SAFB: variants seen among roughly 807,000 people sequenced by gnomAD.
SAFB encodes scaffold attachment factor B1.
A neutral mutation model predicts 101.6 loss-of-function variants in SAFB; 15 were observed. The observed-to-expected ratio is 0.15, with a 90% CI of 0.10 to 0.23. The LOEUF is 0.23. SAFB is among the 10% of genes least tolerant of loss of function. The pLI, the probability that SAFB is intolerant of heterozygous loss-of-function variation, is 1.00. For synonymous variants in SAFB, 449 were observed against 407.5 expected, an observed-to-expected ratio of 1.10 and a Z score of -1.23; for missense variants, 930 against 1,104.1, an observed-to-expected ratio of 0.84 and a Z score of 2.23.
intron 1 of SAFB, 28 bp downstream of exon 1, chr19:5,623,422 C>T (rs910031158): frequency 1.9e-6 from 3 of 1,603,028 alleles, no homozygotes; most frequent in African/African-American, 1.3e-5. Flanking sequence ...AGGGCGGGCA[C>T]AGGGTGGGTC....
chr19:5,663,976 T>G, intron 15 of SAFB, 46 bp from the exon 16 acceptor site: 2 of 1,594,682 alleles, frequency 1.3e-6, no homozygotes, highest in Non-Finnish European at 1.7e-6. Flanking sequence ...GATAGATACA[T>G]TTGGGGTGGG....
At chr19:5,655,286 C>T (rs1279523270) in intron 13 of SAFB, among the ~76,000 whole-genome samples, 2 of 151,856 alleles carry the variant, frequency 1.3e-5, no homozygotes, top group Non-Finnish European at 2.9e-5. Flanking sequence ...AGTAAGACCC[C>T]ATCTTCACAA....
intron 1 of SAFB, among the ~76,000 whole-genome samples, chr19:5,625,479 C>T (rs1046935332): frequency 1.3e-5 from 2 of 152,160 alleles, no homozygotes; most frequent in Non-Finnish European, 2.9e-5. Context: ...GACTTACCCA[C>T]CTGGGAAACT....
chr19:5,666,950 C>T, intron 17 of SAFB, 96 bp from the exon 18 acceptor site: 1 of 814,252 alleles, frequency 1.2e-6, no homozygotes, highest in African/African-American at 1.7e-5. Flanking sequence ...TCCCGAGTGA[C>T]TGTCGTTGTC....
At chr19:5,632,848 C>T (rs1001313015) in intron 2 of SAFB, among the ~76,000 whole-genome samples, 2 of 152,172 alleles carry the variant, frequency 1.3e-5, no homozygotes, top group African/African-American at 2.4e-5. Flanking sequence ...AGCGATCCTC[C>T]CACCTTGGCC....
At chr19:5,649,819 A>G (rs1348892362) in intron 7 of SAFB, 107 bp from the exon 8 acceptor site, 1 of 1,015,348 alleles carries the variant, frequency 9.8e-7, no homozygotes, top group Admixed American at 2.0e-5. Context: ...TCATTTTTTC[A>G]GAACTAAATT....
At chr19:5,657,722 A>T (rs1264568794) in intron 14 of SAFB, among the ~76,000 whole-genome samples, 2 of 151,198 alleles carry the variant, frequency 1.3e-5, no homozygotes, top group Non-Finnish European at 3.0e-5. Flanking sequence ...ACGGGGTTTC[A>T]CCATGTTGGC....
chr19:5,653,324 A>C lies in SAFB; in HGVS notation c.1444-14A>C. 6.2e-7 allele frequency: 1 copy of C among 1,614,100 alleles called. No individual in the cohort carries two copies. The highest frequency in any genetic ancestry group is 8.5e-7 in the Non-Finnish European group (1 of 1,179,978). Reference sequence around the variant, plus strand: ...CATTAGGAAATGGGGGTAATACTTGATTCTCTTTTTCAGGCCAAAAATGAA... The same window carrying C: ...CATTAGGAAATGGGGGTAATACTTGCTTCTCTTTTTCAGGCCAAAAATGAA... On this transcript the variant is annotated splice_polypyrimidine_tract_variant and intron_variant, in intron 10 of 20. Coordinates refer to ENST00000588852, the MANE Select transcript of SAFB (RefSeq NM_001201338.2).
intron 8 of SAFB, among the ~76,000 whole-genome samples, chr19:5,650,491 A>G (rs2053914459): frequency 6.6e-6 from 1 of 152,108 alleles, no homozygotes; most frequent in Non-Finnish European, 1.5e-5. Flanking sequence ...AGCTCACTGC[A>G]ACCTCTGACT....
chr19:5,662,086 T>C (rs545712110), intron 15 of SAFB, among the ~76,000 whole-genome samples: 154 of 152,158 alleles, frequency 1.0e-3, no homozygotes, highest in Middle Eastern at 3.4e-3. Context: ...GGGGTTTCAC[T>C]GTGTTAGCCA....
At chr19:5,640,430 A>G (rs1399931582) in intron 2 of SAFB, among the ~76,000 whole-genome samples, 1 of 114,450 alleles carries the variant, frequency 8.7e-6, no homozygotes, top group Non-Finnish European at 1.6e-5. Flanking sequence ...CAGTGGTGTG[A>G]TCTCGGCTAA....
At chr19:5,642,156 G>T in intron 4 of SAFB, 1 of 632,506 alleles carries the variant, frequency 1.6e-6, no homozygotes, top group Non-Finnish European at 2.9e-6. Flanking sequence ...ATCCATTTGC[G>T]GCATACAGTA....
Position 5,667,652 on chromosome 19 carries a change from C to G in SAFB, c.2558-168C>G. ...AGTGGGCGTTCCCGAGTTCTCTCTG[C>G]TGGGAGGAAGCTGGACGTCTATGGT... On this transcript the variant is annotated intron_variant, in intron 19 of 20. Coordinates refer to ENST00000588852, the MANE Select transcript of SAFB (RefSeq NM_001201338.2). The surrounding 1 kb of genome is among the most constrained non-coding windows in gnomAD (Gnocchi z 4.0). 1 of 727,474 alleles carries G rather than the reference C, an allele frequency of 1.4e-6. No individual in the cohort carries two copies. The highest frequency in any genetic ancestry group is 2.3e-6 in the Non-Finnish European group (1 of 428,828). The allele number at this position is 727,474 out of a possible 1,614,324, so 45.1% of individuals were successfully genotyped here.
intron 17 of SAFB, 178 bp from the exon 18 acceptor site, chr19:5,666,868 A>C: frequency 1.4e-6 from 1 of 702,872 alleles, no homozygotes; most frequent in Admixed American, 2.0e-5. Context: ...CCTAGGGCAC[A>C]GGGCCTCTGG....
intron 2 of SAFB, among the ~76,000 whole-genome samples, chr19:5,635,348 T>G (rs1439859394): frequency 6.6e-6 from 1 of 152,088 alleles, no homozygotes; most frequent in African/African-American, 2.4e-5. Context: ...CTGTAACTTG[T>G]GTCATTGCTC....
intron 13 of SAFB, 61 bp downstream of exon 13, chr19:5,654,517 G>A: frequency 1.0e-6 from 1 of 977,430 alleles, no homozygotes; most frequent in Admixed American, 1.8e-5. Context: ...ATTTCTGTGT[G>A]CGTCTTAGGG....
At chr19:5,653,849 C>T (rs1312521697) in intron 11 of SAFB, among the ~76,000 whole-genome samples, 1 of 152,070 alleles carries the variant, frequency 6.6e-6, no homozygotes, top group Admixed American at 6.6e-5. Context: ...CCTCCACCTC[C>T]CTGGCTCAAC....
intron 9 of SAFB, among the ~76,000 whole-genome samples, chr19:5,651,314 C>T (rs1165321006): frequency 6.6e-6 from 1 of 152,188 alleles, no homozygotes; most frequent in African/African-American, 2.4e-5. Context: ...CCTGTGATGG[C>T]TCGTGGATCC....
chr19:5,655,634 C>G (rs2054042227), intron 13 of SAFB, among the ~76,000 whole-genome samples: 2 of 152,074 alleles, frequency 1.3e-5, no homozygotes, highest in Non-Finnish European at 1.5e-5. Context: ...GACCTTGGAC[C>G]CGCCTGGTCA....
Sources: allele counts gnomAD v4.1 joint callset (sites outside exome capture counted in the v4.1 genomes callset), GRCh38; gene constraint gnomAD v4.1.1; non-coding constraint Gnocchi (gnomAD v3.1); transcripts MANE v1.5; gene names NCBI Gene and HGNC (gene_info 2026-07-23, HGNC 2026-07-21).